Variants in ATXN2 observed in about 807,000 individuals in gnomAD.
ATXN2 encodes the protein ataxin 2.
ATXN2 carries 37 observed loss-of-function variants against 138.6 expected under a neutral mutation model. The observed-to-expected ratio is 0.27, with a 90% CI of 0.21 to 0.35. The LOEUF (loss-of-function observed/expected upper bound fraction) is 0.35, where lower values mean the gene tolerates loss of function less well. Ranked by LOEUF, ATXN2 falls within the 10% of genes least tolerant of loss-of-function variation. The pLI, the probability that ATXN2 is intolerant of heterozygous loss-of-function variation, is 1.00. For missense variants in ATXN2, 1,216 were observed against 1,480.3 expected (o/e 0.82, Z 2.93); for synonymous variants, 549 against 543.7 (o/e 1.01, Z -0.13).
In ATXN2 at chr12:111,540,505, T is replaced by C. The variant is rs947446615; in HGVS notation, c.571+11775A>G. 2.0e-5 allele frequency among the ~76,000 whole-genome samples: 3 copies of C among 150,684 alleles called. 1 individual carries two copies. The highest frequency in any genetic ancestry group is 4.5e-5 in the Non-Finnish European group (3 of 67,198). On this transcript the variant is annotated intron_variant, in intron 5 of 24. Transcript: ENST00000673436. ...CAGCGCAAGCTGATAGACAATCATA[T>C]TCCACTGCTTTAAAACTGAATTTCT... is the stretch of plus-strand genomic sequence containing the variant.
intron 1 of ATXN2, among the ~76,000 whole-genome samples, chr12:111,570,145 C>A (rs1038241995): frequency 2.0e-5 from 3 of 152,304 alleles, no homozygotes; most frequent in African/African-American, 7.2e-5. Flanking sequence ...TAAGCCACCC[C>A]CTTCCACGGC....
chr12:111,518,158 T>C, intron 9 of ATXN2, 91 bp downstream of exon 9: 1 of 1,173,714 alleles, frequency 8.5e-7, no homozygotes, highest in South Asian at 2.0e-5. Flanking sequence ...AAGTGCACAT[T>C]CATATCAGTT....
chr12:111,545,316 G>A (rs949192829), intron 5 of ATXN2, among the ~76,000 whole-genome samples: 3 of 152,012 alleles, frequency 2.0e-5, no homozygotes, highest in Non-Finnish European at 2.9e-5. Context: ...AAAAAAGATG[G>A]CCAGGCGTGG....
At position 111,598,635 on chromosome 12, in the gene ATXN2, G is replaced by T. The variant is rs1885063658; in HGVS notation, c.251+149C>A. Reference sequence around the variant, plus strand: ...GCTGCGCCCACCGGCCGAGCCTCGGGGCTCAGGCCCGAGCGAGTCTCCCCC... The same window carrying T: ...GCTGCGCCCACCGGCCGAGCCTCGGTGCTCAGGCCCGAGCGAGTCTCCCCC... On this transcript the variant is annotated intron_variant, in intron 1 of 24. Coordinates refer to ENST00000673436, the MANE Select transcript of ATXN2 (RefSeq NM_001372574.1). This position sits in a 1 kb window ranked among gnomAD's most constrained non-coding sequence, Gnocchi z 4.5. The T allele has an allele frequency of 2.1e-6, 2 of 931,956 alleles. No individual in the cohort carries two copies. The highest frequency in any genetic ancestry group is 1.1e-4 in the East Asian group (1 of 8,876). The allele number at this position is 931,956 out of a possible 1,614,324, so 57.7% of individuals were successfully genotyped here.
intron 7 of ATXN2, 93 bp downstream of exon 7, chr12:111,520,784 TTTAAC>T (rs1427997343): frequency 3.0e-6 from 2 of 667,252 alleles, no homozygotes; most frequent in African/African-American, 3.8e-5. Flanking sequence ...CATGTAATTG[TTTAAC>T]TTAAAAACTA....
chr12:111,466,480 G>A (rs527519998), intron 20 of ATXN2, among the ~76,000 whole-genome samples: 2 of 152,324 alleles, frequency 1.3e-5, no homozygotes, highest in Admixed American at 6.5e-5. Context: ...CAGCCTGGGC[G>A]ACAGGGAGAG....
chr12:111,516,218 A>C lies in ATXN2; in HGVS notation c.1311T>G (p.Ser437=). Residue 437 remains serine (S), a synonymous_variant, in exon 10 of 25, where the codon TCT becomes TCG. Coordinates refer to ENST00000673436, the MANE Select transcript of ATXN2 (RefSeq NM_001372574.1). The surrounding 1 kb of genome is among the most constrained non-coding windows in gnomAD (Gnocchi z 5.0). ...RPPSRPSRPP[S]HPSAHGSPAP... ...CTGGAGAACCATGAGCAGAGGGGTGAGACGGGGGTCTGGATGGCCGCGAGG... is the reference window on the plus strand; with the variant it reads ...CTGGAGAACCATGAGCAGAGGGGTGCGACGGGGGTCTGGATGGCCGCGAGG... The C allele has an allele frequency of 6.3e-7, 1 of 1,577,608 alleles. No homozygotes were observed. The highest frequency in any genetic ancestry group is 8.6e-7 in the Non-Finnish European group (1 of 1,168,186).
intron 1 of ATXN2, chr12:111,597,670 T>C (rs1388642611): frequency 1.3e-5 from 6 of 476,794 alleles, no homozygotes; most frequent in Non-Finnish European, 2.0e-5. Flanking sequence ...TCAAACCCAG[T>C]TAGCCGGGAC....
intron 8 of ATXN2, among the ~76,000 whole-genome samples, chr12:111,519,586 G>A (rs1248893641): frequency 6.6e-6 from 1 of 152,000 alleles, no homozygotes; most frequent in East Asian, 1.9e-4. Flanking sequence ...AAATCATATT[G>A]TACTGCTGTG....
At chr12:111,497,568 A>C (rs1878496569) in intron 14 of ATXN2, among the ~76,000 whole-genome samples, 1 of 152,110 alleles carries the variant, frequency 6.6e-6, no homozygotes, top group African/African-American at 2.4e-5. Flanking sequence ...ATGGTTCGAC[A>C]TACGCAAATC....
Position 111,538,755 on chromosome 12 carries a change from G to A in ATXN2, c.572-13439C>T, listed in dbSNP as rs568618069. Among the ~76,000 whole-genome samples, 60 of 150,390 alleles carry A rather than the reference G, an allele frequency of 4.0e-4. 1 individual carries two copies. Among genetic ancestry groups the A allele is most frequent in the African/African-American group, 1.3e-3 (54 of 41,406 alleles). On this transcript the variant is annotated intron_variant, in intron 5 of 24. Coordinates refer to ENST00000673436, the MANE Select transcript of ATXN2 (RefSeq NM_001372574.1). ...AAATGGTATCAGTTAAAATGGTGCTGTATTTTACTTCAAAATCAACTAAAA... is the reference window on the plus strand; with the variant it reads ...AAATGGTATCAGTTAAAATGGTGCTATATTTTACTTCAAAATCAACTAAAA...
At chr12:111,550,575 T>C (rs1004748546) in intron 5 of ATXN2, among the ~76,000 whole-genome samples, 3 of 152,164 alleles carry the variant, frequency 2.0e-5, no homozygotes, top group African/African-American at 7.2e-5. Flanking sequence ...TTCAATAGTA[T>C]AAGTATAAAT....
At chr12:111,553,582 A>C (rs1882233607) in intron 3 of ATXN2, among the ~76,000 whole-genome samples, 2 of 97,412 alleles carry the variant, frequency 2.1e-5, no homozygotes, top group African/African-American at 1.8e-4. Flanking sequence ...CAAAAAAAAA[A>C]AAAAAAAAAA....
intron 1 of ATXN2, among the ~76,000 whole-genome samples, chr12:111,557,491 A>C (rs1403473793): frequency 6.6e-6 from 1 of 152,236 alleles, no homozygotes; most frequent in Non-Finnish European, 1.5e-5. Context: ...CTAATAATTT[A>C]TCTTTTATAG....
chr12:111,568,895 C>T lies in ATXN2; in HGVS notation c.252-12976G>A, dbSNP rs1338982851. On this transcript the variant is annotated intron_variant, in intron 1 of 24. Coordinates refer to ENST00000673436, the MANE Select transcript of ATXN2 (RefSeq NM_001372574.1). ...TATTATTAGAAAGGGAAATCCTATACCACGTATTGAATATTTTCTCCCTAA... is the reference window on the plus strand; with the variant it reads ...TATTATTAGAAAGGGAAATCCTATATCACGTATTGAATATTTTCTCCCTAA... Among the ~76,000 whole-genome samples, 2 of 152,310 alleles carry T rather than the reference C, an allele frequency of 1.3e-5. 1 individual carries two copies. The highest frequency in any genetic ancestry group is 3.9e-4 in the East Asian group (2 of 5,194).
intron 3 of ATXN2, among the ~76,000 whole-genome samples, chr12:111,553,572 CAA>C (rs757837884): frequency 0.12 from 5,874 of 48,838 alleles, 78 homozygotes; most frequent in East Asian, 0.2. Flanking sequence ...TCTTTTTTCT[CAA>C]AAAAAAAAAA....
At chr12:111,518,948 G>A (rs949226490) in intron 8 of ATXN2, among the ~76,000 whole-genome samples, 1 of 152,032 alleles carries the variant, frequency 6.6e-6, no homozygotes, top group Non-Finnish European at 1.5e-5. Flanking sequence ...TTACTAGATA[G>A]GTAGCAGGTA....
At chr12:111,575,628 CAA>C (rs1883596207) in intron 1 of ATXN2, among the ~76,000 whole-genome samples, 1 of 152,038 alleles carries the variant, frequency 6.6e-6, no homozygotes, top group South Asian at 2.1e-4. Context: ...ACATAAGCTC[CAA>C]AAAGAGAGAG....
chr12:111,598,849 G>A lies in ATXN2; in HGVS notation c.186C>T (p.Ser62=). The A allele has an allele frequency of 2.0e-6, 3 of 1,476,838 alleles. No homozygotes were observed. The highest frequency in any genetic ancestry group is 2.5e-5 in the South Asian group (2 of 79,100). The allele number at this position is 1,476,838 out of a possible 1,614,324, so 91.5% of individuals were successfully genotyped here. The change falls in exon 1 of 25, where the codon TCC becomes TCT. Residue 62 remains serine (S), a synonymous_variant. Coordinates refer to ENST00000673436, the MANE Select transcript of ATXN2 (RefSeq NM_001372574.1). The surrounding 1 kb of genome is among the most constrained non-coding windows in gnomAD (Gnocchi z 4.5). ...CCACCGAGGAGGGAGCCGTGGCCGA[G>A]GACGAGGAGACCGAGGACGAGGACG... ...PSPSSSSVSS[S]SATAPSSVVA... is the part of the protein sequence containing the mutation.
Sources: allele counts gnomAD v4.1 joint callset (sites outside exome capture counted in the v4.1 genomes callset), GRCh38; gene constraint gnomAD v4.1.1; non-coding constraint Gnocchi (gnomAD v3.1); transcripts MANE v1.5; gene names NCBI Gene and HGNC (gene_info 2026-07-23, HGNC 2026-07-21).